The following PIGB variants were observed in gnomAD, a reference collection of about 807,000 sequenced individuals.
The protein encoded by PIGB is GPI alpha-1,2-mannosyltransferase 3.
Under a neutral mutation model 68.4 loss-of-function variants are expected in PIGB, and 58 were observed. The ratio of observed to expected loss-of-function variants is 0.85; its 90% CI spans 0.69 to 1.06. The LOEUF (loss-of-function observed/expected upper bound fraction) is 1.06, where lower values mean the gene tolerates loss of function less well. Among genes scored for constraint, PIGB ranks in the 50% least tolerant of loss-of-function variants. The probability of loss-of-function intolerance (pLI) is 0.00; values close to 1 mark genes in which losing one functional copy is unlikely to be tolerated. For synonymous variants in PIGB, 219 were observed against 220.5 expected (o/e 0.99, Z 0.06); for missense variants, 634 against 655.8 (o/e 0.97, Z 0.36).
rs1208649316 is a variant in PIGB at position 55,355,288 on chromosome 15, A to C, written c.1521A>C (p.Glu507Asp). ...HLITFSILEE[E>D]ISAFLISSNY... ...CTTAAACATTTATTTGCTTCTAGGA[A>C]ATAAGCGCTTTCCTAATTTCAAGCA... The change falls in exon 12 of 12, where the codon GAA becomes GAC. Residue 507 changes from glutamate (E) to aspartate (D), a missense_variant and splice_region_variant. Physicochemically the swap from Glu to Asp is conservative, Grantham distance 45 (BLOSUM62 2). Transcript: ENST00000164305. 4 of 1,604,756 alleles carry C rather than the reference A, an allele frequency of 2.5e-6. No individual in the cohort carries two copies. In the African/African-American group the frequency reaches 5.4e-5, roughly 22 times the overall value.
intron 4 of PIGB, among the ~76,000 whole-genome samples, chr15:55,328,868 A>C (rs1267983713): frequency 6.6e-6 from 1 of 152,200 alleles, no homozygotes; most frequent in Non-Finnish European, 1.5e-5. Flanking sequence ...CGGGAGGCTA[A>C]GGCAGGAGAA....
Position 55,333,185 on chromosome 15 carries a change from C to A in PIGB, c.654-682C>A, listed in dbSNP as rs149420512. ...CTGGCATTAAGACATATGATAACTT[C>A]TTATTTGAAAATACTAGAATTAGAA... On this transcript the variant is annotated intron_variant, in intron 5 of 11. Transcript: ENST00000164305. Among the ~76,000 whole-genome samples the A allele has an allele frequency of 5.1e-4, 77 of 152,210 alleles. No individual in the cohort carries two copies. In the East Asian group the frequency reaches 9.3e-3, roughly 18 times the overall value.
intron 10 of PIGB, among the ~76,000 whole-genome samples, chr15:55,354,302 CTT>C (rs895051740): frequency 4.0e-5 from 6 of 151,134 alleles, no homozygotes; most frequent in Non-Finnish European, 7.4e-5. Flanking sequence ...GAGCGAAACT[CTT>C]GTCTTCAAAA....
In PIGB at chr15:55,340,738, C is replaced by A. The variant is rs755430337; in HGVS notation, c.973C>A (p.Pro325Thr). 6.2e-7 allele frequency: 1 copy of A among 1,610,990 alleles called. No individual in the cohort carries two copies. The highest frequency in any genetic ancestry group is 1.7e-5 in the Admixed American group (1 of 59,628). The change falls in exon 8 of 12, where the codon CCC (proline) becomes ACC (threonine). Residue 325 changes from proline to threonine, a missense_variant. By Grantham distance (38) the Pro-to-Thr change is conservative. Coordinates refer to ENST00000164305, the MANE Select transcript of PIGB (RefSeq NM_004855.5). The stretch of plus-strand genomic sequence containing the variant: ...TCCAGTTATCTTGGGTACTCACTTA[C>A]CCTTCTTTATTCATGGCTGCTATCT... Reference protein sequence around the residue: ...GFPVILGTHLPFFIHGCYLAP... With the variant: ...GFPVILGTHLTFFIHGCYLAP...
At chr15:55,331,889 T>A (rs1303835155) in intron 5 of PIGB, among the ~76,000 whole-genome samples, 5 of 152,148 alleles carry the variant, frequency 3.3e-5, no homozygotes, top group African/African-American at 1.2e-4. Context: ...AACTTTCTCT[T>A]GAAAAATTGG....
intron 10 of PIGB, among the ~76,000 whole-genome samples, chr15:55,353,106 G>A (rs1374348402): frequency 6.6e-6 from 1 of 152,176 alleles, no homozygotes; most frequent in Non-Finnish European, 1.5e-5. Context: ...AATCCTAGAT[G>A]TACCAAGATG....
At chr15:55,352,805 G>C (rs2055953897) in intron 10 of PIGB, among the ~76,000 whole-genome samples, 1 of 151,984 alleles carries the variant, frequency 6.6e-6, no homozygotes, top group African/African-American at 2.4e-5. Flanking sequence ...AACTCAGTCT[G>C]GCTTTAAACA....
At chr15:55,344,440 T>C (rs1410540536) in intron 9 of PIGB, among the ~76,000 whole-genome samples, 1 of 152,276 alleles carries the variant, frequency 6.6e-6, no homozygotes, top group East Asian at 1.9e-4. Context: ...ATTTGCATAC[T>C]GTCACTTCCA....
At chr15:55,341,678 CTCAA>C (rs1289500607) in intron 8 of PIGB, 56 bp from the exon 9 acceptor site, 22 of 593,424 alleles carry the variant, frequency 3.7e-5, no homozygotes, top group South Asian at 1.7e-4. Flanking sequence ...ATATTACTTT[CTCAA>C]TCTATCATAT....
chr15:55,335,782 T>C (rs2141189318), intron 6 of PIGB, among the ~76,000 whole-genome samples: 1 of 152,230 alleles, frequency 6.6e-6, no homozygotes, highest in Middle Eastern at 3.4e-3. Flanking sequence ...CTGGGCATGT[T>C]CAAGGAACAG....
intron 6 of PIGB, among the ~76,000 whole-genome samples, chr15:55,338,717 T>G (rs1232004389): frequency 6.6e-6 from 1 of 152,172 alleles, no homozygotes; most frequent in East Asian, 1.9e-4. Flanking sequence ...TCACTCACTC[T>G]TGGCTGACTT....
chr15:55,346,492 A>C (rs1254705283), intron 9 of PIGB: 1 of 152,208 alleles, frequency 6.6e-6, no homozygotes, highest in Non-Finnish European at 1.5e-5. Context: ...TTTTCTGTAT[A>C]CCGACTTTCA....
intron 1 of PIGB, 106 bp from the exon 2 acceptor site, chr15:55,320,169 A>G (rs1234829121): frequency 1.0e-6 from 1 of 982,040 alleles, no homozygotes; most frequent in Non-Finnish European, 1.5e-6. Flanking sequence ...ACCAGAGGTC[A>G]CTACTGTGCC....
chr15:55,351,966 T>C (rs2055935270), intron 10 of PIGB: 1 of 147,706 alleles, frequency 6.8e-6, no homozygotes, highest in Non-Finnish European at 1.4e-5. Context: ...TTTTTTTTTT[T>C]AGATGGAGTT....
At chr15:55,352,395 G>T (rs999886225) in intron 10 of PIGB, among the ~76,000 whole-genome samples, 3 of 152,176 alleles carry the variant, frequency 2.0e-5, no homozygotes, top group African/African-American at 7.2e-5. Flanking sequence ...CCTTTAAAAA[G>T]ACATCCATTT....
At chr15:55,338,959 AG>A (rs2055600029) in intron 6 of PIGB, among the ~76,000 whole-genome samples, 1 of 152,244 alleles carries the variant, frequency 6.6e-6, no homozygotes, top group Non-Finnish European at 1.5e-5. Flanking sequence ...CTTGATCCAC[AG>A]GAACTATGAA....
intron 6 of PIGB, among the ~76,000 whole-genome samples, chr15:55,337,498 G>A (rs1012939359): frequency 6.6e-6 from 1 of 152,178 alleles, no homozygotes; most frequent in Non-Finnish European, 1.5e-5. Context: ...AGGGATCTAG[G>A]TTGTGCTCCG....
rs1555405990 is a variant in PIGB at position 55,353,998 on chromosome 15, T to TA, written c.1338-788dup. On this transcript the variant is annotated intron_variant, in intron 10 of 11. Coordinates refer to ENST00000164305, the MANE Select transcript of PIGB (RefSeq NM_004855.5). ...CTCTCTACTTCTCAATCATCTTAAA[T>TA]AAAAAAAAAAAACACTTCAAACTTG... 2.3e-3 allele frequency among the ~76,000 whole-genome samples: 255 copies of TA among 111,880 alleles called. 2 individuals are homozygous for TA. Among genetic ancestry groups the TA allele is most frequent in the African/African-American group, 4.4e-3 (103 of 23,602 alleles). The allele number at this position is 111,880 out of a possible 152,430, so 73.4% of individuals were successfully genotyped here.
chr15:55,345,035 A>C (rs2141208214), intron 9 of PIGB, among the ~76,000 whole-genome samples: 1 of 151,492 alleles, frequency 6.6e-6, no homozygotes, highest in South Asian at 2.1e-4. Flanking sequence ...AGCTGGAATT[A>C]CAGGCCCATG....
Sources: allele counts gnomAD v4.1 joint callset (sites outside exome capture counted in the v4.1 genomes callset), GRCh38; gene constraint gnomAD v4.1.1; transcripts MANE v1.5; gene names NCBI Gene and HGNC (gene_info 2026-07-23, HGNC 2026-07-21).